CCDC91: variants seen among roughly 807,000 people sequenced by gnomAD.
The protein encoded by CCDC91 is coiled-coil domain-containing protein 91.
Under a neutral mutation model 63.2 loss-of-function variants are expected in CCDC91, and 48 were observed. The observed-to-expected ratio is 0.76, with a 90% CI of 0.60 to 0.97. The LOEUF is 0.97. Among genes scored for constraint, CCDC91 ranks in the 50% least tolerant of loss-of-function variants. The pLI is 0.00. For missense variants in CCDC91, 500 were observed against 494.6 expected (o/e 1.01, Z -0.10); for synonymous variants, 167 against 165.8 (o/e 1.01, Z -0.06).
At chr12:28,356,326 TTTG>T (rs1565848236) in intron 6 of CCDC91, among the ~76,000 whole-genome samples, 1 of 152,158 alleles carries the variant, frequency 6.6e-6, no homozygotes, top group African/African-American at 2.4e-5. Flanking sequence ...GAGGTGTTGT[TTTG>T]TTGTTTTTCT....
intron 11 of CCDC91, among the ~76,000 whole-genome samples, chr12:28,460,411 A>G (rs1297316921): frequency 6.6e-6 from 1 of 152,122 alleles, no homozygotes; most frequent in Non-Finnish European, 1.5e-5. Flanking sequence ...TGAATGTGCT[A>G]AGGAGTAAAG....
chr12:28,304,674 A>T (rs745354497), intron 3 of CCDC91: 75 of 1,278,264 alleles, frequency 5.9e-5, no homozygotes, highest in Non-Finnish European at 1.2e-5. Flanking sequence ...TTTATGGTAG[A>T]ACTTCACTGA....
At chr12:28,505,060 T>C (rs1938530665) in intron 12 of CCDC91, among the ~76,000 whole-genome samples, 1 of 151,982 alleles carries the variant, frequency 6.6e-6, no homozygotes, top group Non-Finnish European at 1.5e-5. Context: ...TTTCACCTTA[T>C]GTTTTTTAAT....
intron 3 of CCDC91, among the ~76,000 whole-genome samples, chr12:28,304,145 G>A (rs1192736452): frequency 3.3e-5 from 5 of 151,718 alleles, no homozygotes; most frequent in African/African-American, 4.8e-5. Flanking sequence ...TTGGGAGGCC[G>A]AGGCGGGCGG....
chr12:28,433,197 G>A (rs912805594), intron 8 of CCDC91, among the ~76,000 whole-genome samples: 1 of 151,694 alleles, frequency 6.6e-6, no homozygotes, highest in South Asian at 2.1e-4. Flanking sequence ...ATCTTTCATG[G>A]TGCAGATGTT....
At chr12:28,486,969 A>ATG (rs1951759412) in intron 12 of CCDC91, among the ~76,000 whole-genome samples, 1 of 152,012 alleles carries the variant, frequency 6.6e-6, no homozygotes, top group Non-Finnish European at 1.5e-5. Flanking sequence ...CTCAATAAAT[A>ATG]TGTGTTATGC....
chr12:28,379,087 A>C (rs1945122695), intron 7 of CCDC91, among the ~76,000 whole-genome samples: 1 of 152,034 alleles, frequency 6.6e-6, no homozygotes. Context: ...TGAAGAGGAA[A>C]CCTTCATTCT....
chr12:28,291,754 T>A (rs756649541), intron 3 of CCDC91, among the ~76,000 whole-genome samples: 6 of 152,178 alleles, frequency 3.9e-5, no homozygotes, highest in Non-Finnish European at 8.8e-5. Context: ...TGATTTTCGC[T>A]CAGCTCATGA....
At chr12:28,428,573 C>A (rs370947272) in intron 8 of CCDC91, among the ~76,000 whole-genome samples, 5,243 of 65,254 alleles carry the variant, frequency 0.08, 1,414 homozygotes, top group Middle Eastern at 0.27. Flanking sequence ...CCGTCTCTCC[C>A]CAAAAAAAAA....
At chr12:28,244,329 G>C (rs896063845) in intron 1 of CCDC91, among the ~76,000 whole-genome samples, 2 of 151,902 alleles carry the variant, frequency 1.3e-5, no homozygotes, top group African/African-American at 4.8e-5. Flanking sequence ...CCTAAATGGG[G>C]ATAGATGAAA....
chr12:28,217,202 C>A (rs1245267207), intron 1 of CCDC91, among the ~76,000 whole-genome samples: 1 of 152,014 alleles, frequency 6.6e-6, no homozygotes, highest in African/African-American at 2.4e-5. Flanking sequence ...GGTGCTAGAA[C>A]AGATTAGAAT....
chr12:28,203,393 AG>A (rs1346728867), intron 1 of CCDC91, among the ~76,000 whole-genome samples: 1 of 152,206 alleles, frequency 6.6e-6, no homozygotes, highest in Non-Finnish European at 1.5e-5. Flanking sequence ...GTATTTTAAT[AG>A]CCCAAGTTCT....
chr12:28,392,381 C>A (rs906892568), intron 8 of CCDC91, among the ~76,000 whole-genome samples: 3 of 152,148 alleles, frequency 2.0e-5, no homozygotes, highest in African/African-American at 7.2e-5. Context: ...TGAGGTCTGT[C>A]TTGGGGCCCT....
intron 12 of CCDC91, chr12:28,505,518 A>G (rs1938592986): frequency 6.6e-6 from 1 of 151,906 alleles, no homozygotes; most frequent in Non-Finnish European, 1.5e-5. Flanking sequence ...TAAAAAATGA[A>G]GTTAAAGCAT....
intron 12 of CCDC91, among the ~76,000 whole-genome samples, chr12:28,488,159 A>G (rs1009723198): frequency 6.6e-6 from 1 of 151,814 alleles, no homozygotes; most frequent in African/African-American, 2.4e-5. Flanking sequence ...TAGAATTCTG[A>G]GAAAATTTTA....
At chr12:28,380,742 A>T (rs1313086736) in intron 7 of CCDC91, among the ~76,000 whole-genome samples, 1 of 152,138 alleles carries the variant, frequency 6.6e-6, no homozygotes, top group African/African-American at 2.4e-5. Context: ...TGTAAAGGGC[A>T]TATTTCTTTA....
At chr12:28,454,206 T>C (rs1457563721) in intron 11 of CCDC91, among the ~76,000 whole-genome samples, 1 of 152,150 alleles carries the variant, frequency 6.6e-6, no homozygotes, top group Non-Finnish European at 1.5e-5. Flanking sequence ...TGGAACATTA[T>C]TCCTTATTTA....
intron 8 of CCDC91, among the ~76,000 whole-genome samples, chr12:28,394,146 A>G (rs1363703359): frequency 6.6e-6 from 1 of 152,202 alleles, no homozygotes; most frequent in Non-Finnish European, 1.5e-5. Flanking sequence ...TAAGCGGTTC[A>G]GTATGATGCT....
intron 12 of CCDC91, among the ~76,000 whole-genome samples, chr12:28,489,365 C>CT (rs1246783982): frequency 1.3e-5 from 2 of 151,748 alleles, no homozygotes; most frequent in African/African-American, 4.8e-5. Context: ...GAATACATCC[C>CT]TGACACTTCC....
Sources: allele counts gnomAD v4.1 joint callset (sites outside exome capture counted in the v4.1 genomes callset), GRCh38; gene constraint gnomAD v4.1.1; transcripts MANE v1.5; gene names NCBI Gene and HGNC (gene_info 2026-07-23, HGNC 2026-07-21).